FRMD4B: variants seen among roughly 807,000 people sequenced by gnomAD.
FRMD4B encodes FERM domain-containing protein 4B.
FRMD4B carries 74 observed loss-of-function variants against 141.5 expected under a neutral mutation model. The ratio of observed to expected loss-of-function variants is 0.52; its 90% CI spans 0.43 to 0.63. The LOEUF is 0.63. Among genes scored for constraint, FRMD4B ranks in the 30% least tolerant of loss-of-function variants. FRMD4B has a pLI of 0.00. For missense variants in FRMD4B, 1,366 were observed against 1,253.4 expected (o/e 1.09, Z -1.36); for synonymous variants, 506 against 467.9 (o/e 1.08, Z -1.05).
At chr3:69,491,161 C>A (rs1322763171) in intron 1 of FRMD4B, among the ~76,000 whole-genome samples, 1 of 152,200 alleles carries the variant, frequency 6.6e-6, no homozygotes, top group African/African-American at 2.4e-5. Flanking sequence ...AAAGCGGAGT[C>A]TGTCCCAGGG....
rs1370672644 is a variant in FRMD4B, at chr3:69,260,623, G to A, written c.502-10524C>T. Reference sequence around the variant, plus strand: ...CGCCTGGTCCCATCGACCGCCTAAGGGCTGAGGAGTGCAGGCGCGTGGTGC... The same window carrying A: ...CGCCTGGTCCCATCGACCGCCTAAGAGCTGAGGAGTGCAGGCGCGTGGTGC... On this transcript the variant is annotated intron_variant, in intron 5 of 22. Coordinates refer to ENST00000398540, the MANE Select transcript of FRMD4B (RefSeq NM_015123.3). Among the ~76,000 whole-genome samples, 5 of 152,270 alleles carry A rather than the reference G, an allele frequency of 3.3e-5. No homozygotes were observed. In the East Asian group the frequency reaches 9.6e-4, roughly 29 times the overall value.
At chr3:69,540,613 TAAAAAA>T (rs1157655761) in intron 1 of FRMD4B, among the ~76,000 whole-genome samples, 6 of 14,008 alleles carry the variant, frequency 4.3e-4, no homozygotes, top group African/African-American at 1.1e-3. Context: ...ACTCTGTCTC[TAAAAAA>T]AAAAAAAAAA....
intron 1 of FRMD4B, among the ~76,000 whole-genome samples, chr3:69,385,020 A>G (rs970636811): frequency 1.3e-5 from 2 of 152,120 alleles, no homozygotes; most frequent in Non-Finnish European, 2.9e-5. Context: ...AATCTCAAAT[A>G]TATTAACAAC....
chr3:69,405,432 T>A (rs17005826), intron 2 of FRMD4B, among the ~76,000 whole-genome samples: 1 of 152,146 alleles, frequency 6.6e-6, no homozygotes, highest in Non-Finnish European at 1.5e-5. Context: ...GTTTGTGTAG[T>A]GACTGGCTTA....
chr3:69,285,460 T>C (rs1700646025), intron 5 of FRMD4B, among the ~76,000 whole-genome samples: 1 of 147,404 alleles, frequency 6.8e-6, no homozygotes, highest in South Asian at 2.1e-4. Flanking sequence ...TGATGACAAC[T>C]ATAAGCCAAG....
At chr3:69,417,949 T>G (rs901743334) in intron 2 of FRMD4B, among the ~76,000 whole-genome samples, 1 of 152,180 alleles carries the variant, frequency 6.6e-6, no homozygotes, top group Non-Finnish European at 1.5e-5. Flanking sequence ...TTACATCTCT[T>G]TCTCCTCTGT....
chr3:69,474,721 A>C (rs1484404847), intron 1 of FRMD4B, among the ~76,000 whole-genome samples: 1 of 152,196 alleles, frequency 6.6e-6, no homozygotes, highest in Non-Finnish European at 1.5e-5. Flanking sequence ...TTACTCATCC[A>C]TTCAGTCACC....
chr3:69,500,137 G>A (rs976506386), intron 1 of FRMD4B, among the ~76,000 whole-genome samples: 5 of 152,178 alleles, frequency 3.3e-5, no homozygotes, highest in Non-Finnish European at 4.4e-5. Context: ...AGCTGTGGCT[G>A]AGCTGGGTCA....
chr3:69,536,746 T>A, intron 1 of FRMD4B: 1 of 564,942 alleles, frequency 1.8e-6, no homozygotes, highest in East Asian at 3.5e-5. Flanking sequence ...AGTTTAATTT[T>A]TTTAATTTTT....
intron 1 of FRMD4B, among the ~76,000 whole-genome samples, chr3:69,445,936 G>T (rs1190386077): frequency 6.6e-6 from 1 of 152,128 alleles, no homozygotes; most frequent in Non-Finnish European, 1.5e-5. Flanking sequence ...ATATTGCTTT[G>T]TCCTGTTCAC....
chr3:69,201,657 T>C (rs1327181961), intron 11 of FRMD4B, among the ~76,000 whole-genome samples: 1 of 152,302 alleles, frequency 6.6e-6, no homozygotes, highest in South Asian at 2.1e-4. Context: ...TCTTTTGAAA[T>C]TGCTGAAATC....
At chr3:69,472,378 C>T (rs1705907185) in intron 1 of FRMD4B, 4 of 494,422 alleles carry the variant, frequency 8.1e-6, no homozygotes, top group Non-Finnish European at 1.2e-5. Context: ...ACATCTCCAC[C>T]CTCATTCTTA....
intron 5 of FRMD4B, among the ~76,000 whole-genome samples, chr3:69,265,517 C>T (rs1269148930): frequency 7.4e-6 from 1 of 135,850 alleles, no homozygotes; most frequent in Non-Finnish European, 1.5e-5. Flanking sequence ...GGCGCGATCT[C>T]GGCTCACTGC....
intron 1 of FRMD4B, among the ~76,000 whole-genome samples, chr3:69,508,830 T>G (rs1706640641): frequency 6.6e-6 from 1 of 152,212 alleles, no homozygotes; most frequent in African/African-American, 2.4e-5. Flanking sequence ...ACCTATGAGG[T>G]GGATCCTTAC....
At chr3:69,362,828 T>C (rs1479616169) in intron 1 of FRMD4B, among the ~76,000 whole-genome samples, 2 of 152,230 alleles carry the variant, frequency 1.3e-5, no homozygotes, top group Non-Finnish European at 2.9e-5. Context: ...CATCTTATTC[T>C]GAACTTAAAC....
chr3:69,360,864 A>G (rs1051410443), intron 1 of FRMD4B, among the ~76,000 whole-genome samples: 2 of 152,164 alleles, frequency 1.3e-5, no homozygotes, highest in Admixed American at 6.5e-5. Context: ...CTCAACAGCT[A>G]TATCATTTAA....
rs58437578 is a variant in FRMD4B, at chr3:69,332,742, A to ATT, written c.163-19227_163-19226dup. On this transcript the variant is annotated intron_variant, in intron 1 of 22. Coordinates refer to ENST00000398540, the MANE Select transcript of FRMD4B (RefSeq NM_015123.3). ...CAGGTGTGCACCACCACACCTGGCTATTTTTTTTTTTTTTTTTTTTTTTTT... is the reference window on the plus strand; with the variant it reads ...CAGGTGTGCACCACCACACCTGGCTATTTTTTTTTTTTTTTTTTTTTTTTTTT... Among the ~76,000 whole-genome samples, 174 of 67,550 alleles carry ATT rather than the reference A, an allele frequency of 2.6e-3. 7 individuals are homozygous for ATT. The highest frequency in any genetic ancestry group is 0.013 in the Middle Eastern group (1 of 78). 44.3% of individuals were successfully genotyped at this position (67,550 alleles called of 152,430 possible).
intron 2 of FRMD4B, among the ~76,000 whole-genome samples, chr3:69,401,930 A>G (rs1374068602): frequency 6.6e-6 from 1 of 152,230 alleles, no homozygotes; most frequent in African/African-American, 2.4e-5. Context: ...CAGACTTCAG[A>G]AAAACTTTTA....
intron 1 of FRMD4B, among the ~76,000 whole-genome samples, chr3:69,331,967 A>C (rs948372970): frequency 2.6e-5 from 4 of 152,290 alleles, no homozygotes; most frequent in African/African-American, 4.8e-5. Context: ...TGGTGCCTGT[A>C]ATCCCAGCCA....
Sources: gnomAD v4.1 joint callset for allele counts (sites outside exome capture counted in the v4.1 genomes callset) on GRCh38, gnomAD v4.1.1 for gene constraint, MANE v1.5 for transcripts, NCBI Gene and HGNC (gene_info 2026-07-23, HGNC 2026-07-21) for gene names.